CD8A: variants seen among roughly 807,000 people sequenced by gnomAD.
CD8A encodes T-cell surface glycoprotein CD8 alpha chain.
In CD8A, 25 loss-of-function variants were observed where a neutral mutation model predicts 24.2. That is an observed-to-expected ratio of 1.03 (90% CI 0.75 to 1.44). The LOEUF (loss-of-function observed/expected upper bound fraction) is 1.44, where lower values mean the gene tolerates loss of function less well. Among genes scored for constraint, CD8A ranks in the 40% most tolerant of loss-of-function variants. The pLI is 0.00. For synonymous variants in CD8A, 165 were observed against 149.9 expected (o/e 1.10, Z -0.74); for missense variants, 360 against 319.7 (o/e 1.13, Z -0.96).
upstream of CD8A, among the ~76,000 whole-genome samples, chr2:86,792,963 G>A (rs961473100): frequency 2.0e-5 from 3 of 152,046 alleles, no homozygotes; most frequent in Admixed American, 6.6e-5. Context: ...ATTCTTGTAC[G>A]AAAACAAACA....
intron 2 of CD8A, among the ~76,000 whole-genome samples, chr2:86,804,897 G>A (rs1188930140): frequency 6.6e-6 from 1 of 151,112 alleles, no homozygotes; most frequent in Non-Finnish European, 1.5e-5. Flanking sequence ...CCACCTCCTG[G>A]GCTTAAATGA....
At chr2:86,808,051 A>G (rs1673979800) in intron 1 of CD8A, 1 of 152,326 alleles carries the variant, frequency 6.6e-6, no homozygotes, top group Non-Finnish European at 1.5e-5. Context: ...TCTCGGGGCC[A>G]GCCTTGGTGG....
chr2:86,806,228 AG>A (rs1673851850), intron 2 of CD8A, among the ~76,000 whole-genome samples: 1 of 152,148 alleles, frequency 6.6e-6, no homozygotes, highest in South Asian at 2.1e-4. Context: ...TGCAAGGTGG[AG>A]GACGCAGTGA....
Position 86,790,782 on chromosome 2 carries a change from A to C in CD8A, c.44T>G (p.Leu15Arg), listed in dbSNP as rs1673265301. 3 of 1,518,268 alleles carry C rather than the reference A, an allele frequency of 2.0e-6. No homozygotes were observed. Among genetic ancestry groups the C allele is most frequent in the Non-Finnish European group, 2.6e-6 (3 of 1,133,710 alleles). 94.0% of individuals were successfully genotyped at this position (1,518,268 alleles called of 1,614,324 possible). ...CCCGGGCGTCTCAAACTCACGGAGC[A>C]GCAAGGCCAGCGGCAGGAGCAAGGC... ...VTALLLPLALLLHAARPSQFR... is the reference protein window; with the variant it reads ...VTALLLPLALRLHAARPSQFR... Residue 15 changes from leucine to arginine, a missense_variant, in exon 1 of 6, where the codon CTG (leucine) becomes CGG (arginine). By Grantham distance (102) the Leu-to-Arg change is moderately radical (BLOSUM62 -2). Transcript: ENST00000283635.
chr2:86,791,327 G>A (rs1476285545), upstream of CD8A: 1 of 361,902 alleles, frequency 2.8e-6, no homozygotes. Context: ...AAAGGAAGAG[G>A]AACTAGCGAC....
chr2:86,799,394 G>A (rs1334305871), intron 3 of CD8A, among the ~76,000 whole-genome samples: 2 of 152,158 alleles, frequency 1.3e-5, no homozygotes, highest in Non-Finnish European at 1.5e-5. Flanking sequence ...CATTTTTCAT[G>A]TAATTTCCAT....
intron 3 of CD8A, 91 bp from the exon 4 acceptor site, chr2:86,789,524 T>C: frequency 7.4e-7 from 1 of 1,347,020 alleles, no homozygotes; most frequent in Non-Finnish European, 1.1e-6. Context: ...GCCTCAGATC[T>C]CGGTTTCCCA....
Position 86,785,520 on chromosome 2 carries a change from C to T in CD8A, c.*400G>A. ...AAGGTCCCTCCAGCTACTGCTCCAA[C>T]CCTGACTTGCTGTGTGCCTTTGATC... is the stretch of plus-strand genomic sequence containing the variant. On this transcript the variant is annotated 3_prime_UTR_variant, in exon 6 of 6. Transcript: ENST00000283635. 1 of 467,390 alleles carries T rather than the reference C, an allele frequency of 2.1e-6. No individual in the cohort carries two copies. Among genetic ancestry groups the T allele is most frequent in the South Asian group, 1.5e-5 (1 of 64,578 alleles). 29.0% of individuals were successfully genotyped at this position (467,390 alleles called of 1,614,324 possible). A position where few individuals can be genotyped will look rare whatever the true frequency, so the allele number is the denominator to read the frequency against.
intron 5 of CD8A, among the ~76,000 whole-genome samples, 187 bp from the exon 6 acceptor site, chr2:86,786,158 C>T (rs1357832924): frequency 3.3e-5 from 5 of 152,246 alleles, no homozygotes; most frequent in Admixed American, 3.3e-4. Flanking sequence ...CTTGCACCAT[C>T]TCATGTAATC....
At position 86,790,403 on chromosome 2, in the gene CD8A, C is replaced by T; in HGVS notation, c.328G>A (p.Glu110Lys). ...AGGGCCGAGCAGAAATAGTAGCCCT[C>T]GTTCTCTCGGCGGAAGTCGCTCAGG... ...LTLSDFRRENEGYYFCSALSN... is the reference protein window; with the variant it reads ...LTLSDFRRENKGYYFCSALSN... Residue 110 changes from glutamate (E) to lysine (K), a missense_variant, in exon 2 of 6, where the codon GAG (glutamate) becomes AAG (lysine). Transcript: ENST00000283635. The T allele has an allele frequency of 6.2e-7, 1 of 1,614,138 alleles. No individual in the cohort carries two copies. The highest frequency in any genetic ancestry group is 1.3e-5 in the African/African-American group (1 of 75,062).
chr2:86,785,441 C>A lies in CD8A; in HGVS notation c.*479G>T. 2.2e-6 allele frequency: 1 copy of A among 455,318 alleles called. No homozygotes were observed. The highest frequency in any genetic ancestry group is 4.4e-6 in the Non-Finnish European group (1 of 227,716). 28.2% of individuals were successfully genotyped at this position (455,318 alleles called of 1,614,324 possible). On this transcript the variant is annotated 3_prime_UTR_variant, in exon 6 of 6. Transcript: ENST00000283635. ...CAAGCACCTCACCCTGAGACAGGGG[C>A]CTCGGAAAGAAAGACCTGAATGGTG...
At chr2:86,793,399 C>T (rs1251540481), upstream of CD8A, among the ~76,000 whole-genome samples, 1 of 152,144 alleles carries the variant, frequency 6.6e-6, no homozygotes, top group Non-Finnish European at 1.5e-5. Flanking sequence ...ATGGTTATAA[C>T]TGGCCTATCG....
chr2:86,791,005 C>T (rs1673282756), upstream of CD8A: 1 of 748,040 alleles, frequency 1.3e-6, no homozygotes, highest in Non-Finnish European at 2.3e-6. Context: ...CTCCTTTTCG[C>T]GGTTGTCGCC....
At chr2:86,798,241 T>C (rs925417097) in intron 3 of CD8A, among the ~76,000 whole-genome samples, 5 of 152,008 alleles carry the variant, frequency 3.3e-5, no homozygotes, top group Non-Finnish European at 5.9e-5. Flanking sequence ...AATGGCACGA[T>C]GTTGGCTCAC....
At chr2:86,789,061 G>C (rs1411634007) in intron 4 of CD8A, among the ~76,000 whole-genome samples, 1 of 152,174 alleles carries the variant, frequency 6.6e-6, no homozygotes, top group African/African-American at 2.4e-5. Flanking sequence ...CGCGCGCTGC[G>C]GGCTTCGTCG....
At chr2:86,805,986 T>G (rs1187359857) in intron 2 of CD8A, among the ~76,000 whole-genome samples, 1 of 152,128 alleles carries the variant, frequency 6.6e-6, no homozygotes, top group Non-Finnish European at 1.5e-5. Context: ...CACAACAAAA[T>G]GTGTATGTGA....
At chr2:86,796,118 T>C (rs1267720586) in intron 3 of CD8A, among the ~76,000 whole-genome samples, 1 of 152,192 alleles carries the variant, frequency 6.6e-6, no homozygotes, top group Non-Finnish European at 1.5e-5. Context: ...AGGTTGGACA[T>C]AGTTGAAGGG....
intron 5 of CD8A, among the ~76,000 whole-genome samples, chr2:86,787,898 A>AGAGT (rs369993109): frequency 0.16 from 22,883 of 144,268 alleles, 2,113 homozygotes; most frequent in Admixed American, 0.25. Flanking sequence ...AGAGAGAGAG[A>AGAGT]GTGTGTGTGT....
chr2:86,795,177 C>A (rs1490014029), upstream of CD8A, among the ~76,000 whole-genome samples: 1 of 152,148 alleles, frequency 6.6e-6, no homozygotes, highest in East Asian at 1.9e-4. Flanking sequence ...ATGTTTACAC[C>A]AGGGTGCCAA....
Sources: gnomAD v4.1 joint callset for allele counts (sites outside exome capture counted in the v4.1 genomes callset) on GRCh38, gnomAD v4.1.1 for gene constraint, MANE v1.5 for transcripts, NCBI Gene and HGNC (gene_info 2026-07-23, HGNC 2026-07-21) for gene names.